Variants in PRMT8 observed in about 807,000 individuals in gnomAD.
The protein encoded by PRMT8 is protein arginine N-methyltransferase 8.
A neutral mutation model predicts 47.1 loss-of-function variants in PRMT8; 7 were observed. The observed-to-expected ratio is 0.15, with a 90% CI of 0.08 to 0.28. The LOEUF (loss-of-function observed/expected upper bound fraction) is 0.28, where lower values mean the gene tolerates loss of function less well. PRMT8 is among the 10% of genes least tolerant of loss of function. PRMT8 has a pLI of 1.00. For synonymous variants in PRMT8, 188 were observed against 186.5 expected (o/e 1.01, Z -0.07); for missense variants, 237 against 505.4 (o/e 0.47, Z 5.09).
chr12:3,568,621 C>T lies in PRMT8; in HGVS notation c.482-85C>T, dbSNP rs1027578758. On this transcript the variant is annotated intron_variant, in intron 4 of 9. Transcript: ENST00000382622. ...AGTAGAATCAGAATAGGGCTGAAAC[C>T]TGGAGATCTGGCCCTGAAGTGAGGT... 14 of 1,503,198 alleles carry T rather than the reference C, an allele frequency of 9.3e-6. No homozygotes were observed. In the African/African-American group the frequency reaches 1.9e-4, roughly 21 times the overall value. 93.1% of individuals were successfully genotyped at this position (1,503,198 alleles called of 1,614,324 possible).
intron 1 of PRMT8, among the ~76,000 whole-genome samples, chr12:3,468,661 G>A (rs927328395): frequency 2.8e-4 from 43 of 152,310 alleles, no homozygotes; most frequent in African/African-American, 1.0e-3. Flanking sequence ...AAAATGTATA[G>A]CACAATGGAG....
Position 3,453,046 on chromosome 12 carries a change from C to G in PRMT8, c.48+71604C>G, listed in dbSNP as rs1198372662. ...CCTAAGAGGGGAGGGAAGCTAAACC[C>G]TGGACTGGGATCACATGAAAGGAGA... On this transcript the variant is annotated intron_variant, in intron 1 of 9. Coordinates refer to the PRMT8 transcript ENST00000452611. The surrounding 1 kb of genome is among the most constrained non-coding windows in gnomAD (Gnocchi z 4.9). 6.6e-6 allele frequency among the ~76,000 whole-genome samples: 1 copy of G among 152,156 alleles called. No individual in the cohort carries two copies. Among genetic ancestry groups the G allele is most frequent in the Non-Finnish European group, 1.5e-5 (1 of 68,022 alleles).
At chr12:3,496,214 A>ATATATATATATAT in intron 1 of PRMT8, among the ~76,000 whole-genome samples, 25 of 27,766 alleles carry the variant, frequency 9.0e-4, no homozygotes, top group African/African-American at 1.1e-3. Flanking sequence ...ATATATATAT[A>ATATATATATATAT]TTTTTTTTTT....
upstream of PRMT8, among the ~76,000 whole-genome samples, chr12:3,490,879 G>C (rs1398993240): frequency 6.6e-6 from 1 of 152,068 alleles, no homozygotes; most frequent in Non-Finnish European, 1.5e-5. Context: ...GGCCGGGGTG[G>C]GGAGGGTGCG....
chr12:3,479,162 C>T (rs1261224484), intron 1 of PRMT8, among the ~76,000 whole-genome samples: 1 of 152,208 alleles, frequency 6.6e-6, no homozygotes, highest in Non-Finnish European at 1.5e-5. Context: ...AATTCTTTCC[C>T]CTCAAATTTC....
intron 1 of PRMT8, among the ~76,000 whole-genome samples, chr12:3,394,400 A>G (rs1487509346): frequency 2.0e-5 from 3 of 152,088 alleles, no homozygotes; most frequent in African/African-American, 7.2e-5. Flanking sequence ...TACCTAATTT[A>G]TTGAGAGTTT....
chr12:3,398,715 A>G (rs1286662621), intron 1 of PRMT8, among the ~76,000 whole-genome samples: 1 of 152,184 alleles, frequency 6.6e-6, no homozygotes, highest in African/African-American at 2.4e-5. Flanking sequence ...AGACTGGTAG[A>G]GTCAAGACAT....
intron 7 of PRMT8, among the ~76,000 whole-genome samples, chr12:3,578,749 A>G (rs775249370): frequency 1.3e-4 from 20 of 152,160 alleles, no homozygotes; most frequent in Non-Finnish European, 2.4e-4. Flanking sequence ...CCCATGTGAG[A>G]ACTGTCCTTT....
intron 1 of PRMT8, among the ~76,000 whole-genome samples, chr12:3,397,540 G>T (rs1357402802): frequency 1.3e-5 from 2 of 151,422 alleles, no homozygotes; most frequent in African/African-American, 4.9e-5. Flanking sequence ...AGGGGTCAGG[G>T]ACCCACTTGA....
chr12:3,518,130 C>T (rs541450778), intron 1 of PRMT8, among the ~76,000 whole-genome samples: 30 of 151,926 alleles, frequency 2.0e-4, no homozygotes, highest in Middle Eastern at 3.4e-3. Flanking sequence ...ATACATGTCA[C>T]AAAGTAGAGG....
Position 3,572,813 on chromosome 12 carries a change from T to C in PRMT8, c.712+3249T>C, listed in dbSNP as rs1223471060. On this transcript the variant is annotated intron_variant, in intron 6 of 9. Coordinates refer to ENST00000382622, the MANE Select transcript of PRMT8 (RefSeq NM_019854.5). This position sits in a 1 kb window ranked among gnomAD's most constrained non-coding sequence, Gnocchi z 5.9. Reference sequence around the variant, plus strand: ...GCCTCATCAGAGAAACTCAGATGGTTGGGGCTGGGGTGGTGAGGGAGGATG... The same window carrying C: ...GCCTCATCAGAGAAACTCAGATGGTCGGGGCTGGGGTGGTGAGGGAGGATG... Among the ~76,000 whole-genome samples the C allele has an allele frequency of 2.0e-5, 3 of 152,170 alleles. No individual in the cohort carries two copies. Among genetic ancestry groups the C allele is most frequent in the African/African-American group, 7.2e-5 (3 of 41,430 alleles).
At chr12:3,516,265 C>T (rs535582859) in intron 1 of PRMT8, among the ~76,000 whole-genome samples, 5 of 152,344 alleles carry the variant, frequency 3.3e-5, no homozygotes, top group African/African-American at 1.2e-4. Flanking sequence ...TGTCACTGTG[C>T]TTCTCTGCTG....
intron 1 of PRMT8, among the ~76,000 whole-genome samples, chr12:3,517,836 AAAT>A (rs1278825351): frequency 6.6e-6 from 1 of 152,156 alleles, no homozygotes; most frequent in Admixed American, 6.5e-5. Flanking sequence ...GAAAAGCAAA[AAAT>A]AATAAAGTAT....
Position 3,538,371 on chromosome 12 carries a change from C to A in PRMT8, c.76-2235C>A. ...CACACGTCTATTTCTTCCACAGGAC[C>A]TGCACGCTGCCTTGCTGTTGGAGAT... On this transcript the variant is annotated intron_variant, in intron 1 of 9. Transcript: ENST00000382622. The surrounding 1 kb of genome is among the most constrained non-coding windows in gnomAD (Gnocchi z 4.6). The A allele has an allele frequency of 3.3e-6, 1 of 300,968 alleles. No individual in the cohort carries two copies. The highest frequency in any genetic ancestry group is 6.6e-6 in the Non-Finnish European group (1 of 151,036). The allele number at this position is 300,968 out of a possible 1,614,324, so 18.6% of individuals were successfully genotyped here.
chr12:3,491,528 T>C lies in PRMT8; in HGVS notation c.-98T>C. On this transcript the variant is annotated 5_prime_UTR_variant, in exon 1 of 10. Coordinates refer to ENST00000382622, the MANE Select transcript of PRMT8 (RefSeq NM_019854.5). ...TCCAGCTGAGGGGCTGGGTTGGATT[T>C]TTTTTTTTCTCCCATCCTCTCGCTC... The C allele has an allele frequency of 6.8e-7, 1 of 1,469,346 alleles. No homozygotes were observed. The highest frequency in any genetic ancestry group is 1.4e-5 in the South Asian group (1 of 72,148). 91.0% of individuals were successfully genotyped at this position (1,469,346 alleles called of 1,614,324 possible). A position where few individuals can be genotyped will look rare whatever the true frequency, so the allele number is the denominator to read the frequency against.
intron 1 of PRMT8, among the ~76,000 whole-genome samples, chr12:3,431,560 T>C (rs1309700370): frequency 1.3e-5 from 2 of 151,842 alleles, no homozygotes; most frequent in East Asian, 3.9e-4. Flanking sequence ...GGGAGGGACC[T>C]GGAGAGGATG....
chr12:3,393,878 C>T (rs1485274055), intron 1 of PRMT8, among the ~76,000 whole-genome samples: 1 of 126,714 alleles, frequency 7.9e-6, no homozygotes, highest in Non-Finnish European at 1.6e-5. Context: ...TTTGTATCCT[C>T]TTTTATTTCC....
intron 1 of PRMT8, among the ~76,000 whole-genome samples, chr12:3,495,024 C>T (rs1018127854): frequency 2.6e-5 from 4 of 152,202 alleles, no homozygotes; most frequent in Non-Finnish European, 5.9e-5. Context: ...CCAGCCTCTT[C>T]TCCCTCTCCC....
chr12:3,523,585 TGTAAATGCCTGG>T (rs1865911845), intron 1 of PRMT8, among the ~76,000 whole-genome samples: 6 of 151,908 alleles, frequency 3.9e-5, no homozygotes, highest in Admixed American at 3.9e-4. Flanking sequence ...AATATGGGGG[TGTAAATGCCTGG>T]GTTAAATGGG....
Sources: allele counts gnomAD v4.1 joint callset (sites outside exome capture counted in the v4.1 genomes callset), GRCh38; gene constraint gnomAD v4.1.1; non-coding constraint Gnocchi (gnomAD v3.1); transcripts MANE v1.5; gene names NCBI Gene and HGNC (gene_info 2026-07-23, HGNC 2026-07-21).